Variants in TBCD observed in about 807,000 individuals in gnomAD.
TBCD encodes the protein tubulin-specific chaperone D.
A neutral mutation model predicts 169.3 loss-of-function variants in TBCD; 105 were observed. The ratio of observed to expected loss-of-function variants is 0.62; its 90% CI spans 0.53 to 0.73. The LOEUF (loss-of-function observed/expected upper bound fraction) is 0.73. Among genes scored for constraint, TBCD ranks in the 30% least tolerant of loss-of-function variants. The pLI is 0.00. For synonymous variants in TBCD, 700 were observed against 643.9 expected, an observed-to-expected ratio of 1.09 and a Z score of -1.32; for missense variants, 1,444 against 1,600.1, an observed-to-expected ratio of 0.90 and a Z score of 1.66.
At chr17:82,872,964 G>A (rs551430326) in intron 14 of TBCD, among the ~76,000 whole-genome samples, 2 of 146,630 alleles carry the variant, frequency 1.4e-5, no homozygotes, top group South Asian at 4.2e-4. Context: ...CGTGGCCGAC[G>A]GCTTCTGAGC....
intron 13 of TBCD, among the ~76,000 whole-genome samples, chr17:82,856,472 C>A (rs1163980065): frequency 6.6e-6 from 1 of 152,018 alleles, no homozygotes; most frequent in Non-Finnish European, 1.5e-5. Flanking sequence ...AACAGACGCC[C>A]CAATGCTTGC....
intron 17 of TBCD, 50 bp downstream of exon 17, chr17:82,893,682 G>T (rs775129817): frequency 2.2e-6 from 3 of 1,356,956 alleles, no homozygotes; most frequent in East Asian, 2.5e-5. Context: ...AAATCAGATT[G>T]GATGTCAGAA....
At chr17:82,819,301 G>A (rs988489446) in intron 13 of TBCD, among the ~76,000 whole-genome samples, 3 of 152,146 alleles carry the variant, frequency 2.0e-5, no homozygotes. Flanking sequence ...TGAATAGGGG[G>A]ACTCTGCCTG....
intron 7 of TBCD, among the ~76,000 whole-genome samples, chr17:82,792,417 C>T (rs2049808963): frequency 2.0e-5 from 3 of 152,112 alleles, no homozygotes; most frequent in Non-Finnish European, 2.9e-5. Context: ...TTTATGGGCT[C>T]ACTATCAATA....
At chr17:82,905,416 C>T (rs1030465939) in intron 19 of TBCD, among the ~76,000 whole-genome samples, 3 of 152,258 alleles carry the variant, frequency 2.0e-5, no homozygotes, top group Non-Finnish European at 1.5e-5. Context: ...CCGTCCTGGG[C>T]ACTGGGGTGA....
At chr17:82,899,248 A>G (rs1278203433) in intron 17 of TBCD, among the ~76,000 whole-genome samples, 26 of 137,710 alleles carry the variant, frequency 1.9e-4, no homozygotes, top group East Asian at 6.5e-4. Flanking sequence ...TCCTCAGCGC[A>G]CGTGTCCTCA....
In TBCD at chr17:82,895,234, C is replaced by T. The variant is rs534082598; in HGVS notation, c.1649+1602C>T. ...CCAGATGCCACTTGTGAGGACGCAC[C>T]GGCAGGCAGGCCCCTCCAATCCTGA... On this transcript the variant is annotated intron_variant, in intron 17 of 38. Transcript: ENST00000355528. Among the ~76,000 whole-genome samples the T allele has an allele frequency of 3.7e-4, 56 of 152,350 alleles. No homozygotes were observed. In the Middle Eastern group the frequency reaches 0.02, roughly 56 times the overall value.
rs751847341 is a variant in TBCD at position 82,814,801 on chromosome 17, A to G, written c.1224-39A>G. The G allele has an allele frequency of 4.4e-6, 7 of 1,605,750 alleles. No homozygotes were observed. In the South Asian group the frequency reaches 6.6e-5, roughly 15 times the overall value. ...GCTGTGGGCTTTGAACCAAAAGCTG[A>G]CACGTGGGCTGTGGTCTCAGGATCT... On this transcript the variant is annotated intron_variant, in intron 12 of 38. Coordinates refer to ENST00000355528, the MANE Select transcript of TBCD (RefSeq NM_005993.5).
chr17:82,830,449 C>T (rs1267587330), intron 13 of TBCD: 3 of 1,612,502 alleles, frequency 1.9e-6, no homozygotes, highest in Non-Finnish European at 2.5e-6. Flanking sequence ...GTCCACCGCG[C>T]ATGCGTCTGG....
At chr17:82,793,027 C>A (rs531176278) in intron 7 of TBCD, among the ~76,000 whole-genome samples, 1 of 152,064 alleles carries the variant, frequency 6.6e-6, no homozygotes, top group African/African-American at 2.4e-5. Flanking sequence ...CCTCCCAAAG[C>A]GCTCGGATTC....
chr17:82,837,824 G>A (rs965797381), intron 13 of TBCD, among the ~76,000 whole-genome samples: 17 of 152,248 alleles, frequency 1.1e-4, no homozygotes, highest in East Asian at 3.9e-4. Flanking sequence ...CACCTCCTCC[G>A]AGCCTGGCCT....
chr17:82,940,219 G>GCACACACACACACACACACACA (rs1422867605), intron 37 of TBCD, among the ~76,000 whole-genome samples: 172 of 94,606 alleles, frequency 1.8e-3, no homozygotes, highest in Middle Eastern at 0.012. Context: ...ACTTGCACGC[G>GCACACACACACACACACACACA]CGCACACACA....
chr17:82,785,961 G>A (rs1456304500), intron 7 of TBCD, among the ~76,000 whole-genome samples: 1 of 152,212 alleles, frequency 6.6e-6, no homozygotes, highest in Non-Finnish European at 1.5e-5. Flanking sequence ...CTGGTGAAAT[G>A]ACAATGTTGG....
chr17:82,935,245 A>T (rs2062527634), intron 34 of TBCD, among the ~76,000 whole-genome samples: 1 of 152,030 alleles, frequency 6.6e-6, no homozygotes, highest in East Asian at 1.9e-4. Context: ...TTTTTGCTCC[A>T]CTCATTCTTT....
At chr17:82,857,449 G>A (rs889896175) in intron 13 of TBCD, among the ~76,000 whole-genome samples, 1 of 151,796 alleles carries the variant, frequency 6.6e-6, no homozygotes, top group Non-Finnish European at 1.5e-5. Context: ...GTATTGTGTC[G>A]TGTTTAATGT....
chr17:82,776,264 G>A (rs745925404), intron 6 of TBCD, among the ~76,000 whole-genome samples: 1 of 152,006 alleles, frequency 6.6e-6, no homozygotes, highest in Non-Finnish European at 1.5e-5. Context: ...GGAAATCTTG[G>A]CGTGGCGTGG....
rs749845593 is a variant in TBCD, at chr17:82,806,015, C to G, written c.1087+4C>G. 1 of 1,613,068 alleles carries G rather than the reference C, an allele frequency of 6.2e-7. No individual in the cohort carries two copies. Among genetic ancestry groups the G allele is most frequent in the South Asian group, 1.1e-5 (1 of 91,062 alleles). On this transcript the variant is annotated splice_donor_region_variant and intron_variant, in intron 10 of 38. Transcript: ENST00000355528. The surrounding 1 kb of genome is among the most constrained non-coding windows in gnomAD (Gnocchi z 5.1). Reference sequence around the variant, plus strand: ...GAGGGGGTGGAGCGTGTGATAGGTGCGTGGGGTCTAAGCGGCGGCCTCTGC... The same window carrying G: ...GAGGGGGTGGAGCGTGTGATAGGTGGGTGGGGTCTAAGCGGCGGCCTCTGC...
intron 13 of TBCD, among the ~76,000 whole-genome samples, chr17:82,822,737 A>G (rs2052515476): frequency 6.6e-6 from 1 of 152,256 alleles, no homozygotes; most frequent in Admixed American, 6.5e-5. Flanking sequence ...AATACGCTGC[A>G]TGTAGGATTC....
intron 2 of TBCD, among the ~76,000 whole-genome samples, chr17:82,763,597 C>T (rs2047876888): frequency 6.6e-6 from 1 of 152,006 alleles, no homozygotes; most frequent in South Asian, 2.1e-4. Context: ...AAAAATTAGC[C>T]AGGCGTGGTG....
Sources: allele counts gnomAD v4.1 joint callset (sites outside exome capture counted in the v4.1 genomes callset), GRCh38; gene constraint gnomAD v4.1.1; non-coding constraint Gnocchi (gnomAD v3.1); transcripts MANE v1.5; gene names NCBI Gene and HGNC (gene_info 2026-07-23, HGNC 2026-07-21).